UVRAG: variants seen among roughly 807,000 people sequenced by gnomAD.
UVRAG encodes the protein UV radiation resistance-associated gene protein.
A neutral mutation model predicts 78.0 loss-of-function variants in UVRAG; 19 were observed. The ratio of observed to expected loss-of-function variants is 0.24; its 90% confidence interval spans 0.17 to 0.36. The LOEUF is 0.36. UVRAG is among the 10% of genes least tolerant of loss of function. The pLI, the probability that UVRAG is intolerant of heterozygous loss-of-function variation, is 1.00. For synonymous variants in UVRAG, 323 were observed against 324.6 expected, an observed-to-expected ratio of 1.00 and a Z score of 0.05; for missense variants, 740 against 853.8, an observed-to-expected ratio of 0.87 and a Z score of 1.66.
chr11:76,072,346 A>G (rs1951328430), intron 13 of UVRAG, among the ~76,000 whole-genome samples: 1 of 152,052 alleles, frequency 6.6e-6, no homozygotes, highest in Non-Finnish European at 1.5e-5. Flanking sequence ...GATTAAGGGA[A>G]GTTTCTTTTT....
intron 6 of UVRAG, among the ~76,000 whole-genome samples, chr11:75,950,819 A>G (rs1009733973): frequency 4.6e-5 from 7 of 152,102 alleles, no homozygotes; most frequent in South Asian, 2.1e-4. Context: ...GCACCATTTC[A>G]TGTGCTAATA....
At chr11:76,064,298 C>T (rs753077752) in intron 12 of UVRAG, among the ~76,000 whole-genome samples, 12 of 152,142 alleles carry the variant, frequency 7.9e-5, no homozygotes, top group African/African-American at 1.2e-4. Flanking sequence ...GGTTTAGGAC[C>T]GTAGTAGATT....
At chr11:75,878,717 C>G (rs566807742) in intron 3 of UVRAG, among the ~76,000 whole-genome samples, 4 of 152,310 alleles carry the variant, frequency 2.6e-5, no homozygotes, top group African/African-American at 9.6e-5. Context: ...GAAAACCAGT[C>G]AGGCGTGGCG....
At chr11:76,067,069 AC>A (rs1211367721) in intron 13 of UVRAG, among the ~76,000 whole-genome samples, 10 of 152,064 alleles carry the variant, frequency 6.6e-5, no homozygotes, top group African/African-American at 2.4e-4. Context: ...CTTCCCCTTA[AC>A]CAACCTCAGT....
At chr11:75,832,236 C>G (rs1376203023) in intron 1 of UVRAG, among the ~76,000 whole-genome samples, 1 of 152,238 alleles carries the variant, frequency 6.6e-6, no homozygotes, top group South Asian at 2.1e-4. Context: ...AATTCTGATG[C>G]TATTTACCCG....
At chr11:75,854,234 G>A (rs1229877655) in intron 2 of UVRAG, among the ~76,000 whole-genome samples, 2 of 152,156 alleles carry the variant, frequency 1.3e-5, no homozygotes, top group African/African-American at 2.4e-5. Flanking sequence ...TGTCCTTTAA[G>A]TGATGACTCA....
chr11:76,007,329 GC>G (rs1949963295), intron 9 of UVRAG, among the ~76,000 whole-genome samples: 1 of 152,070 alleles, frequency 6.6e-6, no homozygotes, highest in Admixed American at 6.6e-5. Flanking sequence ...ACACACAGTA[GC>G]ACTCAGTATA....
At chr11:75,997,532 C>T (rs1169976954) in intron 8 of UVRAG, among the ~76,000 whole-genome samples, 2 of 152,132 alleles carry the variant, frequency 1.3e-5, no homozygotes, top group African/African-American at 2.4e-5. Flanking sequence ...AACCAAGCTC[C>T]GGCATTTTTG....
intron 1 of UVRAG, among the ~76,000 whole-genome samples, chr11:75,828,691 G>A (rs1228750424): frequency 1.5e-4 from 6 of 39,612 alleles, no homozygotes; most frequent in Non-Finnish European, 3.0e-4. Context: ...ACATATACAT[G>A]TGTGTGTATA....
intron 13 of UVRAG, among the ~76,000 whole-genome samples, chr11:76,070,822 A>G (rs906176179): frequency 2.0e-5 from 3 of 152,176 alleles, no homozygotes; most frequent in Non-Finnish European, 4.4e-5. Context: ...AGAAAGCCAC[A>G]TTAGAGGGCT....
At chr11:75,898,213 C>G (rs1947393310) in intron 5 of UVRAG, among the ~76,000 whole-genome samples, 1 of 152,114 alleles carries the variant, frequency 6.6e-6, no homozygotes, top group South Asian at 2.1e-4. Flanking sequence ...TTCATTTATT[C>G]CAGCCTTATA....
At chr11:75,834,935 C>T (rs945138061) in intron 1 of UVRAG, among the ~76,000 whole-genome samples, 1 of 152,184 alleles carries the variant, frequency 6.6e-6, no homozygotes, top group Non-Finnish European at 1.5e-5. Flanking sequence ...TCCTCAGCCT[C>T]TTAAATTGCT....
intron 7 of UVRAG, among the ~76,000 whole-genome samples, chr11:75,965,723 C>A (rs114823056): frequency 1.3e-5 from 2 of 152,094 alleles, no homozygotes; most frequent in African/African-American, 4.8e-5. Flanking sequence ...ATTTCTCATT[C>A]GTTTGCTGCT....
chr11:76,129,933 G>GCT (rs375415060), intron 14 of UVRAG, among the ~76,000 whole-genome samples: 1,930 of 145,150 alleles, frequency 0.013, 47 homozygotes, highest in African/African-American at 0.048. Flanking sequence ...ACTCTCTCTC[G>GCT]CTCTCTCTCT....
At chr11:76,036,303 C>T (rs1950533431) in intron 12 of UVRAG, among the ~76,000 whole-genome samples, 1 of 152,144 alleles carries the variant, frequency 6.6e-6, no homozygotes, top group African/African-American at 2.4e-5. Flanking sequence ...AATCTGAACA[C>T]TTTGGGAGGC....
At chr11:75,917,226 G>A (rs1450177656) in intron 6 of UVRAG, among the ~76,000 whole-genome samples, 2 of 152,202 alleles carry the variant, frequency 1.3e-5, no homozygotes, top group African/African-American at 4.8e-5. Context: ...GCTACATGTT[G>A]ATTGATTTCT....
At chr11:76,088,532 G>A (rs750804011) in intron 13 of UVRAG, among the ~76,000 whole-genome samples, 16 of 148,490 alleles carry the variant, frequency 1.1e-4, no homozygotes, top group African/African-American at 3.5e-4. Context: ...CTTTTGCATG[G>A]CAAAGTCTTC....
intron 3 of UVRAG, among the ~76,000 whole-genome samples, chr11:75,874,804 GAC>G (rs1365380001): frequency 6.6e-6 from 1 of 152,198 alleles, no homozygotes; most frequent in African/African-American, 2.4e-5. Flanking sequence ...AAGATTCTGA[GAC>G]ACAGGGAATT....
At chr11:76,024,558 G>C (rs1950297858) in intron 12 of UVRAG, among the ~76,000 whole-genome samples, 1 of 151,960 alleles carries the variant, frequency 6.6e-6, no homozygotes, top group Admixed American at 6.6e-5. Flanking sequence ...TAATTAATGG[G>C]CATGTCATAT....
Sources: allele counts gnomAD v4.1 joint callset (sites outside exome capture counted in the v4.1 genomes callset), GRCh38; gene constraint gnomAD v4.1.1; transcripts MANE v1.5; gene names NCBI Gene and HGNC (gene_info 2026-07-23, HGNC 2026-07-21).